The following KIF9 variants were observed in gnomAD, a reference collection of about 807,000 sequenced individuals.
KIF9 encodes kinesin-like protein KIF9.
In KIF9, 68 loss-of-function variants were observed where a neutral mutation model predicts 94.8. The observed-to-expected ratio is 0.72, with a 90% CI of 0.59 to 0.88. The LOEUF (loss-of-function observed/expected upper bound fraction) is 0.88. Among genes scored for constraint, KIF9 ranks in the 40% least tolerant of loss-of-function variants. KIF9 has a pLI of 0.00. For synonymous variants in KIF9, 343 were observed against 362.1 expected (o/e 0.95, Z 0.60); for missense variants, 882 against 982.5 (o/e 0.90, Z 1.37).
rs565852118 is a variant in KIF9, at chr3:47,239,648, C to T, written c.1924+1153G>A. On this transcript the variant is annotated intron_variant, in intron 17 of 20. Transcript: ENST00000684063. ...TGTCACCCAGACTGGAGTGCAGTGG[C>T]GCAATCTTGCCTCACTACAACCTCT... 1.8e-4 allele frequency: 193 copies of T among 1,060,850 alleles called. 2 individuals carry two copies. Among genetic ancestry groups the T allele is most frequent in the East Asian group, 1.3e-4 (2 of 15,456 alleles). 65.7% of individuals were successfully genotyped at this position (1,060,850 alleles called of 1,614,324 possible). A position where few individuals can be genotyped will look rare whatever the true frequency, so the allele number is the denominator to read the frequency against.
chr3:47,271,250 C>A lies in KIF9; in HGVS notation c.578G>T (p.Ser193Ile). ...HLTSQEEDAF[S>I]LLFEGETNRI... Reference sequence around the variant, plus strand: ...TTATTATCTCACCTCAAAAAGGAGGCTGAATGCATCCTCCTCCTGACTTGT... The same window carrying A: ...TTATTATCTCACCTCAAAAAGGAGGATGAATGCATCCTCCTCCTGACTTGT... Residue 193 changes from serine to isoleucine, a missense_variant, in exon 5 of 21, where the codon AGC (serine) becomes ATC (isoleucine). Coordinates refer to ENST00000684063, the MANE Select transcript of KIF9 (RefSeq NM_182902.4). The A allele has an allele frequency of 6.2e-7, 1 of 1,611,456 alleles. No homozygotes were observed. The highest frequency in any genetic ancestry group is 8.5e-7 in the Non-Finnish European group (1 of 1,177,826).
At chr3:47,235,985 A>T in intron 19 of KIF9, 49 bp downstream of exon 19, 1 of 1,362,754 alleles carries the variant, frequency 7.3e-7, no homozygotes, top group Non-Finnish European at 1.0e-6. Flanking sequence ...GGCACTGCCC[A>T]TTGCCCCATG....
rs1575941659 is a variant in KIF9, at chr3:47,238,764, C to T, written c.1924+2037G>A. The stretch of plus-strand genomic sequence containing the variant: ...CAAGCTCTGCCTCCCGGGTTTTACA[C>T]CATTCTCCTGCCTCAGCCTCCCCAG... On this transcript the variant is annotated intron_variant, in intron 17 of 20. Transcript: ENST00000684063. 5.3e-5 allele frequency among the ~76,000 whole-genome samples: 8 copies of T among 152,204 alleles called. No individual in the cohort carries two copies. In the East Asian group the frequency reaches 1.6e-3, roughly 30 times the overall value.
rs553897196 is a variant in KIF9, at chr3:47,229,850, C to T, written c.2323-1148G>A. Among the ~76,000 whole-genome samples the T allele has an allele frequency of 1.6e-4, 25 of 152,100 alleles. No homozygotes were observed. The South Asian group carries it at 5.2e-3, about 32-fold the overall frequency. On this transcript the variant is annotated intron_variant, in intron 20 of 20. Coordinates refer to ENST00000684063, the MANE Select transcript of KIF9 (RefSeq NM_182902.4). ...CCGGGTTCAAGCGATTCTCCTGCCT[C>T]AGCCTCCTGAGTAGCTGTGATTACA...
intron 17 of KIF9, chr3:47,238,398 T>C (rs1699199235): frequency 6.6e-6 from 1 of 152,166 alleles, no homozygotes; most frequent in Admixed American, 6.5e-5. Context: ...TTATGTTTTT[T>C]TGTAGAGACG....
At chr3:47,265,969 G>A in intron 7 of KIF9, 92 bp from the exon 8 acceptor site, 2 of 1,435,778 alleles carry the variant, frequency 1.4e-6, no homozygotes, top group Non-Finnish European at 1.9e-6. Flanking sequence ...AATGCTATAA[G>A]TCTGTGGTCA....
At chr3:47,260,424 T>C (rs1700893929) in intron 9 of KIF9, among the ~76,000 whole-genome samples, 1 of 152,136 alleles carries the variant, frequency 6.6e-6, no homozygotes, top group Admixed American at 6.5e-5. Context: ...TTTGTATCTG[T>C]GTCTTTTTCT....
chr3:47,241,108 GC>G, intron 16 of KIF9, 93 bp from the exon 17 acceptor site: 1 of 1,137,520 alleles, frequency 8.8e-7, no homozygotes, highest in Non-Finnish European at 1.3e-6. Flanking sequence ...GACTTCTGTG[GC>G]CAGGAGGCAG....
chr3:47,254,329 G>A (rs1397269301), intron 10 of KIF9, among the ~76,000 whole-genome samples: 5 of 152,192 alleles, frequency 3.3e-5, no homozygotes, highest in Admixed American at 6.5e-5. Flanking sequence ...GTGATGGTGT[G>A]CGCCTGTAGT....
intron 20 of KIF9, among the ~76,000 whole-genome samples, chr3:47,232,445 C>T (rs1056198921): frequency 1.9e-4 from 29 of 151,848 alleles, no homozygotes; most frequent in Admixed American, 9.2e-4. Flanking sequence ...TCACCACACC[C>T]GGCTAATTTT....
chr3:47,241,322 CT>C (rs1213773592), intron 16 of KIF9, among the ~76,000 whole-genome samples: 99 of 144,676 alleles, frequency 6.8e-4, no homozygotes, highest in East Asian at 6.0e-4. Flanking sequence ...GTATTTCTTT[CT>C]TTTTTTTTTT....
chr3:47,274,086 A>G (rs903194217), intron 3 of KIF9, among the ~76,000 whole-genome samples: 2 of 152,194 alleles, frequency 1.3e-5, no homozygotes, highest in African/African-American at 4.8e-5. Flanking sequence ...TTCCCCACAG[A>G]GGCAAAGAGG....
intron 20 of KIF9, among the ~76,000 whole-genome samples, chr3:47,229,444 C>G (rs1380225178): frequency 6.6e-6 from 1 of 152,144 alleles, no homozygotes; most frequent in Admixed American, 6.5e-5. Context: ...AACACACACA[C>G]ATACACACGC....
intron 14 of KIF9, 94 bp from the exon 15 acceptor site, chr3:47,245,018 A>C: frequency 6.6e-7 from 1 of 1,516,744 alleles, no homozygotes. Flanking sequence ...CTCAGGGTGG[A>C]CATGTTCACC....
chr3:47,247,564 G>T, intron 11 of KIF9, 87 bp from the exon 12 acceptor site: 2 of 1,030,308 alleles, frequency 1.9e-6, no homozygotes, highest in Non-Finnish European at 1.5e-6. Flanking sequence ...GAGGCAAAGT[G>T]GGGAGGCTGG....
chr3:47,250,244 C>A (rs1700185368), intron 10 of KIF9, among the ~76,000 whole-genome samples: 1 of 152,152 alleles, frequency 6.6e-6, no homozygotes, highest in Non-Finnish European at 1.5e-5. Flanking sequence ...AGCTACTGAA[C>A]ACTTGAAATG....
chr3:47,264,231 C>T, intron 9 of KIF9, 55 bp downstream of exon 9: 1 of 1,376,084 alleles, frequency 7.3e-7, no homozygotes, highest in Non-Finnish European at 1.0e-6. Flanking sequence ...CTTACCCTGC[C>T]CTGGCACCCA....
chr3:47,279,818 C>G (rs1020160223), intron 1 of KIF9, among the ~76,000 whole-genome samples: 1 of 151,978 alleles, frequency 6.6e-6, no homozygotes, highest in South Asian at 2.1e-4. Context: ...GGGGTTTCAC[C>G]GTGTTAGCCA....
intron 10 of KIF9, among the ~76,000 whole-genome samples, chr3:47,253,528 C>T (rs1576004770): frequency 6.6e-6 from 1 of 151,956 alleles, no homozygotes; most frequent in Admixed American, 6.6e-5. Flanking sequence ...TGCTACAAAT[C>T]CACTCCCCTC....
Sources: gnomAD v4.1 joint callset for allele counts (sites outside exome capture counted in the v4.1 genomes callset) on GRCh38, gnomAD v4.1.1 for gene constraint, MANE v1.5 for transcripts, NCBI Gene and HGNC (gene_info 2026-07-23, HGNC 2026-07-21) for gene names.